Variants in PDYN observed in about 807,000 individuals in gnomAD.
The protein encoded by PDYN is proenkephalin-B.
A neutral mutation model predicts 11.4 loss-of-function variants in PDYN; 5 were observed. That is an observed-to-expected ratio of 0.44 (90% confidence interval 0.23 to 0.92). PDYN has a LOEUF of 0.92. Ranked by LOEUF, PDYN falls within the 40% of genes least tolerant of loss-of-function variation. PDYN has a pLI of 0.24. For missense variants in PDYN, 337 were observed against 317.3 expected, an observed-to-expected ratio of 1.06 and a Z score of -0.47; for synonymous variants, 132 against 129.5, an observed-to-expected ratio of 1.02 and a Z score of -0.13.
chr20:1,979,986 G>T lies in PDYN; in HGVS notation c.*337C>A. 2.5e-6 allele frequency: 1 copy of T among 402,586 alleles called. No individual in the cohort carries two copies. The highest frequency in any genetic ancestry group is 2.2e-5 in the South Asian group (1 of 45,644). 24.9% of individuals were successfully genotyped at this position (402,586 alleles called of 1,614,324 possible). ...ACAGGTACAAAGAACACATCGCTCT[G>T]GTTCCCTGGAATTGAGGAGTCACGT... On this transcript the variant is annotated 3_prime_UTR_variant, in exon 4 of 4. Coordinates refer to ENST00000217305, the MANE Select transcript of PDYN (RefSeq NM_024411.5).
chr20:1,992,803 G>C (rs991301676), intron 1 of PDYN, among the ~76,000 whole-genome samples, 160 bp from the exon 2 acceptor site: 1 of 152,134 alleles, frequency 6.6e-6, no homozygotes, highest in Non-Finnish European at 1.5e-5. Context: ...ATCTCGACTG[G>C]GATGCCTGTC....
chr20:1,980,795 A>G lies in PDYN; in HGVS notation c.293T>C (p.Leu98Pro). ...CAGCTCCTTCAGGAATGACCCAGAG[A>G]GCTTGGCCAGCTCACTGTAGGGCCC... ...GEGPYSELAK[L>P]SGSFLKELEK... is the part of the protein sequence containing the mutation. The change falls in exon 4 of 4, where the codon CTC (leucine) becomes CCC (proline). Residue 98 changes from leucine (L) to proline (P), a missense_variant. Coordinates refer to ENST00000217305, the MANE Select transcript of PDYN (RefSeq NM_024411.5). 1 of 1,614,178 alleles carries G rather than the reference A, an allele frequency of 6.2e-7. No homozygotes were observed. The highest frequency in any genetic ancestry group is 8.5e-7 in the Non-Finnish European group (1 of 1,180,038).
At chr20:1,981,745 G>A (rs192248591) in intron 3 of PDYN, among the ~76,000 whole-genome samples, 63 of 151,998 alleles carry the variant, frequency 4.1e-4, no homozygotes, top group Admixed American at 7.2e-4. Flanking sequence ...GGCAGACATG[G>A]CAAAACCCCA....
Position 1,980,243 on chromosome 20 carries a change from T to G in PDYN, c.*80A>C. Reference sequence around the variant, plus strand: ...GAGCTGAGCATGGGGAAGGGGCACATATAAGAGGATGAATGAATGCACTCC... The same window carrying G: ...GAGCTGAGCATGGGGAAGGGGCACAGATAAGAGGATGAATGAATGCACTCC... On this transcript the variant is annotated 3_prime_UTR_variant, in exon 4 of 4. Transcript: ENST00000217305. The G allele has an allele frequency of 2.2e-6, 3 of 1,362,466 alleles. No individual in the cohort carries two copies. The highest frequency in any genetic ancestry group is 3.1e-6 in the Non-Finnish European group (3 of 952,576). 84.4% of individuals were successfully genotyped at this position (1,362,466 alleles called of 1,614,324 possible).
At chr20:1,993,580 A>G (rs1394303980) in intron 1 of PDYN, 1 of 152,024 alleles carries the variant, frequency 6.6e-6, no homozygotes, top group African/African-American at 2.4e-5. Context: ...AGGGTGTCCC[A>G]TTTTCCCCAG....
At chr20:1,986,634 A>T (rs920088084) in intron 2 of PDYN, among the ~76,000 whole-genome samples, 1 of 152,172 alleles carries the variant, frequency 6.6e-6, no homozygotes, top group African/African-American at 2.4e-5. Flanking sequence ...ACAACTCCGT[A>T]AGACTGGGAC....
intron 2 of PDYN, among the ~76,000 whole-genome samples, chr20:1,991,423 G>A (rs7263708): frequency 0.015 from 2,300 of 152,244 alleles, 64 homozygotes; most frequent in African/African-American, 0.051. Flanking sequence ...CTAGGCCATC[G>A]TCCTCCTGCC....
At position 1,980,870 on chromosome 20, in the gene PDYN, G is replaced by T. The variant is rs773291582; in HGVS notation, c.218C>A (p.Thr73Asn). ...GTCCTCCTTGTCATTGAGCCCAAGG[G>T]TGGAGGGGGTGAAAAAAGACAGAAA... The part of the protein sequence containing the change: ...QSFLSFFTPS[T>N]LGLNDKEDLG... The change falls in exon 4 of 4, where the codon ACC becomes AAC. Residue 73 changes from threonine to asparagine, a missense_variant. Thr to Asn is a moderately conservative substitution (Grantham distance 65, BLOSUM62 0). Coordinates refer to ENST00000217305, the MANE Select transcript of PDYN (RefSeq NM_024411.5). 6.2e-7 allele frequency: 1 copy of T among 1,614,226 alleles called. No homozygotes were observed.
chr20:1,981,554 C>T (rs1011293155), intron 3 of PDYN, among the ~76,000 whole-genome samples: 12 of 152,148 alleles, frequency 7.9e-5, no homozygotes, highest in African/African-American at 2.2e-4. Context: ...CATGCTTAAA[C>T]GTGGTGCTCT....
In PDYN at chr20:1,980,873, G is replaced by A; in HGVS notation, c.215C>T (p.Ser72Phe). Reference protein sequence around the residue: ...CQSFLSFFTPSTLGLNDKEDL... With the variant: ...CQSFLSFFTPFTLGLNDKEDL... Reference sequence around the variant, plus strand: ...CTCCTTGTCATTGAGCCCAAGGGTGGAGGGGGTGAAAAAAGACAGAAAGCT... The same window carrying A: ...CTCCTTGTCATTGAGCCCAAGGGTGAAGGGGGTGAAAAAAGACAGAAAGCT... The change falls in exon 4 of 4, where the codon TCC becomes TTC. Residue 72 changes from serine (S) to phenylalanine (F), a missense_variant. Physicochemically the swap from Ser to Phe is radical, Grantham distance 155 (BLOSUM62 -2). Coordinates refer to ENST00000217305, the MANE Select transcript of PDYN (RefSeq NM_024411.5). 1 of 1,614,200 alleles carries A rather than the reference G, an allele frequency of 6.2e-7. No homozygotes were observed. The highest frequency in any genetic ancestry group is 1.1e-5 in the South Asian group (1 of 91,090).
At chr20:1,989,161 A>G (rs1482019284) in intron 2 of PDYN, among the ~76,000 whole-genome samples, 1 of 152,218 alleles carries the variant, frequency 6.6e-6, no homozygotes, top group African/African-American at 2.4e-5. Flanking sequence ...TTCTTAAATA[A>G]TAAAACATTT....
At position 1,983,013 on chromosome 20, in the gene PDYN, C is replaced by A. The variant is rs745951521; in HGVS notation, c.72G>T (p.Ser24=). ...MFPSTTADCL[S]RCSLCAVKTQ... The stretch of plus-strand genomic sequence containing the variant: ...TCTTTACAGCACACAAGGAGCACCG[C>A]GACAGGCAGTCCGCTGTGGTGGAGG... The change falls in exon 3 of 4, where the codon TCG becomes TCT. Residue 24 remains serine, a synonymous_variant. Transcript: ENST00000217305. The A allele has an allele frequency of 6.2e-7, 1 of 1,614,062 alleles. No homozygotes were observed. Among genetic ancestry groups the A allele is most frequent in the African/African-American group, 1.3e-5 (1 of 75,032 alleles).
chr20:1,983,945 C>T (rs918981020), intron 2 of PDYN, among the ~76,000 whole-genome samples: 2 of 152,140 alleles, frequency 1.3e-5, no homozygotes, highest in South Asian at 2.1e-4. Context: ...TTCCCTCCGC[C>T]TGGAGAACCC....
intron 2 of PDYN, among the ~76,000 whole-genome samples, chr20:1,992,020 C>T (rs1408454444): frequency 6.6e-6 from 1 of 152,162 alleles, no homozygotes; most frequent in African/African-American, 2.4e-5. Context: ...AAAGGTCCAA[C>T]CTCACCACTT....
chr20:1,993,252 A>G (rs1988528519), intron 1 of PDYN, among the ~76,000 whole-genome samples: 2 of 152,020 alleles, frequency 1.3e-5, no homozygotes, highest in Admixed American at 1.3e-4. Context: ...TGGACAAGAA[A>G]ATGCCTGCTA....
chr20:1,985,132 T>A (rs1476813254), intron 2 of PDYN, among the ~76,000 whole-genome samples: 1 of 152,082 alleles, frequency 6.6e-6, no homozygotes, highest in Non-Finnish European at 1.5e-5. Context: ...AACTTCCCCA[T>A]CCCTGCAAAC....
intron 2 of PDYN, among the ~76,000 whole-genome samples, chr20:1,985,737 T>A (rs1294399321): frequency 6.6e-6 from 1 of 152,184 alleles, no homozygotes; most frequent in Non-Finnish European, 1.5e-5. Context: ...AGTGGAAAAG[T>A]CAGGGAAGCG....
chr20:1,983,001 C>A lies in PDYN; in HGVS notation c.84G>T (p.Leu28Phe). The stretch of plus-strand genomic sequence containing the variant: ...GACCATCCTGGGTCTTTACAGCACA[C>A]AAGGAGCACCGCGACAGGCAGTCCG... ...TTADCLSRCS[L>F]CAVKTQDGPK... The change falls in exon 3 of 4, where the codon TTG (leucine) becomes TTT (phenylalanine). Residue 28 changes from leucine (L) to phenylalanine (F), a missense_variant. By Grantham distance (22) the Leu-to-Phe change is conservative. Transcript: ENST00000217305. The A allele has an allele frequency of 6.2e-7, 1 of 1,614,070 alleles. No individual in the cohort carries two copies.
chr20:1,982,452 A>G (rs1987878539), intron 3 of PDYN, among the ~76,000 whole-genome samples: 1 of 151,998 alleles, frequency 6.6e-6, no homozygotes, highest in South Asian at 2.1e-4. Context: ...TGGGAGAGAC[A>G]TGTGGGGGAA....
Sources: allele counts gnomAD v4.1 joint callset (sites outside exome capture counted in the v4.1 genomes callset), GRCh38; gene constraint gnomAD v4.1.1; transcripts MANE v1.5; gene names NCBI Gene and HGNC (gene_info 2026-07-23, HGNC 2026-07-21).